NELL1: variants seen among roughly 807,000 people sequenced by gnomAD.
NELL1 encodes protein kinase C-binding protein NELL1.
In NELL1, 76 loss-of-function variants were observed where a neutral mutation model predicts 107.4. The ratio of observed to expected loss-of-function variants is 0.71; its 90% CI spans 0.59 to 0.86. The LOEUF is 0.86. Among genes scored for constraint, NELL1 ranks in the 40% least tolerant of loss-of-function variants. The pLI is 0.00. For synonymous variants in NELL1, 353 were observed against 341.2 expected (o/e 1.03, Z -0.38); for missense variants, 1,024 against 1,005.5 (o/e 1.02, Z -0.25).
chr11:21,424,171 AT>A (rs1444316414), intron 15 of NELL1, among the ~76,000 whole-genome samples: 2 of 152,240 alleles, frequency 1.3e-5, no homozygotes, highest in African/African-American at 4.8e-5. Context: ...AATCAATGAA[AT>A]CAAAAGTTGA....
chr11:20,731,208 C>G (rs111756508), intron 2 of NELL1, among the ~76,000 whole-genome samples: 2 of 152,294 alleles, frequency 1.3e-5, no homozygotes, highest in Non-Finnish European at 2.9e-5. Context: ...ATATGGGGCA[C>G]CCAGGGCTTC....
At chr11:20,847,803 A>G (rs1189527928) in intron 4 of NELL1, 50 bp downstream of exon 4, 1 of 1,529,634 alleles carries the variant, frequency 6.5e-7, no homozygotes, top group South Asian at 1.2e-5. Context: ...AAATCAAGCA[A>G]TGGAAAAGGG....
rs149698523 is a variant in NELL1 at position 21,223,621 on chromosome 11, TG to T, written c.1427-5710del. ...CTTATTTTGTTAATTGTTTTCTGGT[TG>T]TTTTTTATACCCTTTGCTCCTTTCT... On this transcript the variant is annotated intron_variant, in intron 13 of 19. Transcript: ENST00000357134. Among the ~76,000 whole-genome samples the T allele has an allele frequency of 3.2e-3, 487 of 152,312 alleles. 4 individuals are homozygous for T. The highest frequency in any genetic ancestry group is 4.7e-3 in the Non-Finnish European group (319 of 68,026).
At chr11:20,996,215 A>G (rs748320433) in intron 12 of NELL1, among the ~76,000 whole-genome samples, 2 of 152,316 alleles carry the variant, frequency 1.3e-5, no homozygotes, top group Non-Finnish European at 2.9e-5. Context: ...TAAGCTAAGT[A>G]TTCAGCTTAT....
At chr11:21,176,869 C>T (rs1453977952) in intron 13 of NELL1, among the ~76,000 whole-genome samples, 2 of 151,656 alleles carry the variant, frequency 1.3e-5, no homozygotes, top group African/African-American at 4.9e-5. Context: ...TGTTATTGCA[C>T]CCCAAACTGA....
At chr11:21,066,160 G>T (rs1470611328) in intron 12 of NELL1, among the ~76,000 whole-genome samples, 1 of 152,148 alleles carries the variant, frequency 6.6e-6, no homozygotes. Flanking sequence ...AGTGATGAAT[G>T]ATGACACCTT....
At chr11:21,519,332 G>A (rs544527378) in intron 15 of NELL1, among the ~76,000 whole-genome samples, 8 of 152,248 alleles carry the variant, frequency 5.3e-5, no homozygotes, top group African/African-American at 1.9e-4. Flanking sequence ...TTTAAATACA[G>A]ACTACTGGGT....
At chr11:20,839,263 T>C (rs1450278048) in intron 3 of NELL1, among the ~76,000 whole-genome samples, 2 of 152,210 alleles carry the variant, frequency 1.3e-5, no homozygotes, top group Non-Finnish European at 2.9e-5. Context: ...ATTTTACATT[T>C]CATTTAACAG....
At chr11:20,866,353 T>C (rs1849096044) in intron 4 of NELL1, among the ~76,000 whole-genome samples, 1 of 152,162 alleles carries the variant, frequency 6.6e-6, no homozygotes, top group African/African-American at 2.4e-5. Context: ...AGCCCACAGG[T>C]CCAACTCATC....
At chr11:20,722,284 G>C (rs540358298) in intron 2 of NELL1, among the ~76,000 whole-genome samples, 1 of 152,246 alleles carries the variant, frequency 6.6e-6, no homozygotes, top group Admixed American at 6.5e-5. Context: ...GCCTTCCAAA[G>C]TGCTGGGATT....
intron 2 of NELL1, among the ~76,000 whole-genome samples, chr11:20,754,636 T>G (rs1856218434): frequency 6.6e-6 from 1 of 152,238 alleles, no homozygotes; most frequent in Admixed American, 6.5e-5. Flanking sequence ...TCTATTCATT[T>G]CACTAACATT....
At position 20,966,835 on chromosome 11, in the gene NELL1, C is replaced by G. The variant is rs905092716; in HGVS notation, c.1300+6275C>G. 2.2e-4 allele frequency among the ~76,000 whole-genome samples: 33 copies of G among 152,006 alleles called. No homozygotes were observed. The East Asian group carries it at 5.6e-3, about 26-fold the overall frequency. On this transcript the variant is annotated intron_variant, in intron 12 of 19. Coordinates refer to ENST00000357134, the MANE Select transcript of NELL1 (RefSeq NM_006157.5). ...CTTCTTAACCATCACCTCCCCACCC[C>G]CTGCCGCCCCCTGCCCCGACACACA... is the stretch of plus-strand genomic sequence containing the variant.
chr11:21,531,079 A>T (rs1467646492), intron 15 of NELL1, among the ~76,000 whole-genome samples: 1 of 152,168 alleles, frequency 6.6e-6, no homozygotes, highest in Non-Finnish European at 1.5e-5. Context: ...ACTAAAATAG[A>T]TGTGTGTACA....
At chr11:21,021,363 A>G (rs1001956517) in intron 12 of NELL1, among the ~76,000 whole-genome samples, 2 of 152,058 alleles carry the variant, frequency 1.3e-5, no homozygotes, top group Non-Finnish European at 2.9e-5. Flanking sequence ...TGAAAATGCC[A>G]TGAATGATCA....
intron 13 of NELL1, 150 bp from the exon 14 acceptor site, chr11:21,229,182 A>G: frequency 1.3e-6 from 1 of 799,410 alleles, no homozygotes. Context: ...CAGAGTTTAG[A>G]TTTCAACAGG....
rs1238812935 is a variant in NELL1, at chr11:21,444,287, TAATGATCAAAGATGA to T, written c.1645+73343_1645+73357del. Among the ~76,000 whole-genome samples, 17 of 152,112 alleles carry T rather than the reference TAATGATCAAAGATGA, an allele frequency of 1.1e-4. 1 individual carries two copies. The highest frequency in any genetic ancestry group is 2.9e-5 in the Non-Finnish European group (2 of 68,006). ...TTTAAGAAGAACTGCCATGATCAAATAATGATCAAAGATGAAATACATATATTTCATCTTTGCACA... is the reference window on the plus strand; with the variant it reads ...TTTAAGAAGAACTGCCATGATCAAATAATACATATATTTCATCTTTGCACA... On this transcript the variant is annotated intron_variant, in intron 15 of 19. Transcript: ENST00000357134.
intron 12 of NELL1, among the ~76,000 whole-genome samples, chr11:20,996,965 C>T (rs937032858): frequency 6.6e-6 from 1 of 152,098 alleles, no homozygotes; most frequent in African/African-American, 2.4e-5. Context: ...GGAACTTCTC[C>T]TACATCATAT....
intron 13 of NELL1, among the ~76,000 whole-genome samples, chr11:21,131,039 C>T (rs1400782844): frequency 2.7e-5 from 4 of 149,336 alleles, no homozygotes. Context: ...GACTAGACTA[C>T]CACACTGAGT....
intron 14 of NELL1, among the ~76,000 whole-genome samples, chr11:21,337,772 C>CTTTCT (rs1565175288): frequency 7.1e-6 from 1 of 141,268 alleles, no homozygotes; most frequent in Admixed American, 7.2e-5. Flanking sequence ...TTCTTTCTTT[C>CTTTCT]TTTCTTTCTT....
Sources: gnomAD v4.1 joint callset for allele counts (sites outside exome capture counted in the v4.1 genomes callset) on GRCh38, gnomAD v4.1.1 for gene constraint, MANE v1.5 for transcripts, NCBI Gene and HGNC (gene_info 2026-07-23, HGNC 2026-07-21) for gene names.